The following BTBD9 variants were observed in gnomAD, a reference collection of about 807,000 sequenced individuals.
BTBD9 encodes BTB domain containing 9, also known as BTB/POZ domain-containing protein 9.
Under a neutral mutation model 64.3 loss-of-function variants are expected in BTBD9, and 49 were observed. The ratio of observed to expected loss-of-function variants is 0.76; its 90% CI spans 0.61 to 0.97. The LOEUF (loss-of-function observed/expected upper bound fraction) is 0.97, where lower values mean the gene tolerates loss of function less well. Ranked by LOEUF, BTBD9 falls within the 50% of genes least tolerant of loss-of-function variation. The pLI, the probability that BTBD9 is intolerant of heterozygous loss-of-function variation, is 0.00. For missense variants in BTBD9, 598 were observed against 762.1 expected, an observed-to-expected ratio of 0.78 and a Z score of 2.53; for synonymous variants, 260 against 274.7, an observed-to-expected ratio of 0.95 and a Z score of 0.53.
At chr6:38,485,398 T>C (rs991861798) in intron 6 of BTBD9, among the ~76,000 whole-genome samples, 8 of 152,232 alleles carry the variant, frequency 5.3e-5, no homozygotes, top group Non-Finnish European at 8.8e-5. Context: ...TCACTATCTA[T>C]AGCTATAAGC....
intron 9 of BTBD9, among the ~76,000 whole-genome samples, chr6:38,222,362 G>A (rs535940401): frequency 2.4e-4 from 33 of 138,388 alleles, no homozygotes; most frequent in Non-Finnish European, 4.7e-4. Flanking sequence ...CCGGGTTCAC[G>A]CCATTCTCCT....
At chr6:38,207,627 T>TAAAC (rs960982574) in intron 9 of BTBD9, among the ~76,000 whole-genome samples, 1 of 148,798 alleles carries the variant, frequency 6.7e-6, no homozygotes, top group African/African-American at 2.5e-5. Flanking sequence ...GTCTCAAAAA[T>TAAAC]AAACAAACAA....
At chr6:38,541,275 G>A (rs982664042) in intron 6 of BTBD9, among the ~76,000 whole-genome samples, 2 of 152,090 alleles carry the variant, frequency 1.3e-5, no homozygotes, top group African/African-American at 2.4e-5. Flanking sequence ...TCATGGTTTT[G>A]TTTTTTGTTT....
intron 9 of BTBD9, among the ~76,000 whole-genome samples, chr6:38,246,404 T>C (rs1764203381): frequency 6.6e-6 from 1 of 152,154 alleles, no homozygotes; most frequent in Admixed American, 6.5e-5. Context: ...AGCCTGCTGA[T>C]ATCTCATCAT....
chr6:38,314,979 T>G (rs13198868), intron 7 of BTBD9, among the ~76,000 whole-genome samples: 26,386 of 151,968 alleles, frequency 0.17, 2,460 homozygotes, highest in Admixed American at 0.21. Flanking sequence ...CCTCCAAGTA[T>G]CTGGGACTAC....
intron 9 of BTBD9, among the ~76,000 whole-genome samples, chr6:38,202,382 A>C (rs947855107): frequency 6.6e-6 from 1 of 152,054 alleles, no homozygotes; most frequent in Non-Finnish European, 1.5e-5. Flanking sequence ...CACCCAGCCC[A>C]AAAATGTCAT....
chr6:38,394,597 A>C (rs1766581689), intron 6 of BTBD9, among the ~76,000 whole-genome samples: 1 of 152,136 alleles, frequency 6.6e-6, no homozygotes, highest in African/African-American at 2.4e-5. Flanking sequence ...GTTCCTTCTC[A>C]TACTAATATC....
intron 7 of BTBD9, among the ~76,000 whole-genome samples, chr6:38,328,564 C>CGTGTGTGTGTGTGTGT (rs201357884): frequency 0.011 from 1,484 of 130,440 alleles, 36 homozygotes; most frequent in East Asian, 0.053. Context: ...TTTAAGCCAC[C>CGTGTGTGTGTGTGTGT]GTGTGTGTGT....
intron 9 of BTBD9, among the ~76,000 whole-genome samples, chr6:38,255,134 T>G (rs896337644): frequency 6.6e-6 from 1 of 152,222 alleles, no homozygotes; most frequent in Non-Finnish European, 1.5e-5. Flanking sequence ...GAAAACACTA[T>G]GCTAAGTGAA....
In BTBD9 at chr6:38,184,583, G is replaced by A. The variant is rs868595628; in HGVS notation, c.1641+7936C>T. ...TGCTCTGCCACAGAGCACAGAGAGCGCCCACTGGGGGTTCTGGCCCTGGGG... is the reference window on the plus strand; with the variant it reads ...TGCTCTGCCACAGAGCACAGAGAGCACCCACTGGGGGTTCTGGCCCTGGGG... On this transcript the variant is annotated intron_variant, in intron 10 of 10. Coordinates refer to ENST00000481247, the MANE Select transcript of BTBD9 (RefSeq NM_001099272.2). This position sits in a 1 kb window ranked among gnomAD's most constrained non-coding sequence, Gnocchi z 4.4. 2.6e-5 allele frequency among the ~76,000 whole-genome samples: 4 copies of A among 152,106 alleles called. No homozygotes were observed. The highest frequency in any genetic ancestry group is 6.5e-5 in the Admixed American group (1 of 15,284).
chr6:38,587,926 TC>T lies in BTBD9; in HGVS notation c.814+4649del. The T allele has an allele frequency of 8.3e-6, 6 of 723,106 alleles. No homozygotes were observed. In the Admixed American group the frequency reaches 1.1e-4, roughly 13 times the overall value. 44.8% of individuals were successfully genotyped at this position (723,106 alleles called of 1,614,324 possible). On this transcript the variant is annotated intron_variant, in intron 4 of 10. Transcript: ENST00000481247. ...ATCAGGTTTCAGGGCAACCCAGTGC[TC>T]CTGCAGAAGACTGTTCAGGAACATC...
At chr6:38,639,461 G>A (rs544984624) in intron 1 of BTBD9, among the ~76,000 whole-genome samples, 1 of 152,232 alleles carries the variant, frequency 6.6e-6, no homozygotes, top group Admixed American at 6.5e-5. Flanking sequence ...CTCAGTCCCA[G>A]GCAACGTCGT....
chr6:38,632,601 A>G (rs900514371), intron 1 of BTBD9, among the ~76,000 whole-genome samples: 1 of 151,924 alleles, frequency 6.6e-6, no homozygotes, highest in African/African-American at 2.4e-5. Context: ...TACTTGAAAA[A>G]GTACAGTTCC....
chr6:38,272,101 T>TA (rs1156357432), intron 8 of BTBD9, among the ~76,000 whole-genome samples: 1 of 152,124 alleles, frequency 6.6e-6, no homozygotes, highest in African/African-American at 2.4e-5. Context: ...ACTGATAGGA[T>TA]AGTCATTGAC....
intron 7 of BTBD9, among the ~76,000 whole-genome samples, chr6:38,327,839 A>C (rs746992712): frequency 6.6e-5 from 10 of 152,196 alleles, no homozygotes; most frequent in Non-Finnish European, 8.8e-5. Context: ...CTAGATTCTC[A>C]ACTCTTGGTT....
chr6:38,287,411 C>T (rs1761784622), intron 8 of BTBD9, among the ~76,000 whole-genome samples: 1 of 152,042 alleles, frequency 6.6e-6, no homozygotes, highest in African/African-American at 2.4e-5. Flanking sequence ...TCCCAAAGTG[C>T]TGAGATTACA....
chr6:38,361,078 C>G (rs984491942), intron 6 of BTBD9, among the ~76,000 whole-genome samples: 4 of 152,074 alleles, frequency 2.6e-5, no homozygotes, highest in Non-Finnish European at 4.4e-5. Context: ...ATCAGTGTTT[C>G]TTGACCCTGG....
At chr6:38,470,437 C>T (rs1250179050) in intron 6 of BTBD9, among the ~76,000 whole-genome samples, 1 of 152,104 alleles carries the variant, frequency 6.6e-6, no homozygotes, top group East Asian at 1.9e-4. Context: ...AGGTTGAAGA[C>T]GGACTGGATT....
chr6:38,274,856 T>C (rs534884311), intron 8 of BTBD9, among the ~76,000 whole-genome samples: 2 of 152,312 alleles, frequency 1.3e-5, no homozygotes, highest in South Asian at 2.1e-4. Context: ...TCGTTGTGTC[T>C]CTGCCAGGCT....
Sources: gnomAD v4.1 joint callset for allele counts (sites outside exome capture counted in the v4.1 genomes callset) on GRCh38, gnomAD v4.1.1 for gene constraint, Gnocchi (gnomAD v3.1) non-coding constraint, MANE v1.5 for transcripts, NCBI Gene and HGNC (gene_info 2026-07-23, HGNC 2026-07-21) for gene names.